Variants in TRPC6 observed in about 807,000 individuals in gnomAD.
TRPC6 encodes transient receptor potential cation channel subfamily C member 6, also known as short transient receptor potential channel 6.
A neutral mutation model predicts 90.7 loss-of-function variants in TRPC6; 55 were observed. The ratio of observed to expected loss-of-function variants is 0.61; its 90% CI spans 0.49 to 0.76. TRPC6 has a LOEUF of 0.76. Among genes scored for constraint, TRPC6 ranks in the 30% least tolerant of loss-of-function variants. The pLI, the probability that TRPC6 is intolerant of heterozygous loss-of-function variation, is 0.00. For synonymous variants in TRPC6, 393 were observed against 393.0 expected, an observed-to-expected ratio of 1.00 and a Z score of 0.00; for missense variants, 989 against 1,122.7, an observed-to-expected ratio of 0.88 and a Z score of 1.70.
Position 101,504,387 on chromosome 11 carries a change from G to T in TRPC6, c.582C>A (p.Thr194=). The T allele has an allele frequency of 6.2e-7, 1 of 1,614,066 alleles. No individual in the cohort carries two copies. Among genetic ancestry groups the T allele is most frequent in the Non-Finnish European group, 8.5e-7 (1 of 1,180,006 alleles). The change falls in exon 2 of 13, where the codon ACC becomes ACA. Residue 194 remains threonine (T), a synonymous_variant. Coordinates refer to ENST00000344327, the MANE Select transcript of TRPC6 (RefSeq NM_004621.6). ...PAFAEGKRLA[T]SPSQSELQQD... is the part of the protein sequence containing the mutation. ...GCTGGAGTTCAGACTGGCTAGGGCT[G>T]GTTGCTAACCTCTTGCCTTCAGCAA...
At chr11:101,576,219 C>G (rs1862066975) in intron 1 of TRPC6, among the ~76,000 whole-genome samples, 1 of 152,126 alleles carries the variant, frequency 6.6e-6, no homozygotes, top group Admixed American at 6.5e-5. Flanking sequence ...TGTATGACAA[C>G]TAGAAAAGAA....
intron 1 of TRPC6, 51 bp downstream of exon 1, chr11:101,583,283 C>G (rs1422537933): frequency 6.5e-7 from 1 of 1,535,840 alleles, no homozygotes; most frequent in Non-Finnish European, 8.8e-7. Flanking sequence ...GAGCGCACAA[C>G]CTCCCTCCGC....
At chr11:101,502,489 A>G (rs1322570596) in intron 2 of TRPC6, among the ~76,000 whole-genome samples, 1 of 152,322 alleles carries the variant, frequency 6.6e-6, no homozygotes, top group African/African-American at 2.4e-5. Flanking sequence ...AGAATATAAT[A>G]GTCTTCAGTG....
intron 1 of TRPC6, among the ~76,000 whole-genome samples, chr11:101,574,659 A>G (rs1862036219): frequency 6.8e-6 from 1 of 146,958 alleles, no homozygotes; most frequent in African/African-American, 2.6e-5. Flanking sequence ...GGATTTTCTT[A>G]CTGCCCAGGA....
At chr11:101,549,204 T>C (rs73575794) in intron 1 of TRPC6, among the ~76,000 whole-genome samples, 3,946 of 152,054 alleles carry the variant, frequency 0.026, 102 homozygotes, top group African/African-American at 0.059. Context: ...TCAAACACTT[T>C]TGTAAGTTGA....
Position 101,473,690 on chromosome 11 carries a change from T to C in TRPC6, c.1828A>G (p.Ile610Val), listed in dbSNP as rs1859347299. ...AIAVVLSFSR[I>V]AYILPANESF... ...TCATTTGCTGGTAAAATATAAGCTATCCTAGAGAAACTTAAAACTACAGCA... is the reference window on the plus strand; with the variant it reads ...TCATTTGCTGGTAAAATATAAGCTACCCTAGAGAAACTTAAAACTACAGCA... The change falls in exon 7 of 13, where the codon ATA becomes GTA. Residue 610 changes from isoleucine (I) to valine (V), a missense_variant. By Grantham distance (29) the Ile-to-Val change is conservative. Coordinates refer to ENST00000344327, the MANE Select transcript of TRPC6 (RefSeq NM_004621.6). 6.2e-7 allele frequency: 1 copy of C among 1,613,790 alleles called. No homozygotes were observed. The highest frequency in any genetic ancestry group is 1.7e-4 in the Middle Eastern group (1 of 6,052).
intron 1 of TRPC6, among the ~76,000 whole-genome samples, chr11:101,515,549 T>TA (rs1591103139): frequency 1.3e-5 from 2 of 152,122 alleles, no homozygotes; most frequent in Admixed American, 1.3e-4. Context: ...TACAAATGAA[T>TA]AAAAAAGCAA....
At chr11:101,505,659 A>G (rs1860244946) in intron 1 of TRPC6, among the ~76,000 whole-genome samples, 1 of 152,190 alleles carries the variant, frequency 6.6e-6, no homozygotes, top group Non-Finnish European at 1.5e-5. Flanking sequence ...AAACACTTCT[A>G]TGGTGCAGGC....
At chr11:101,462,088 T>G (rs890486041) in intron 10 of TRPC6, among the ~76,000 whole-genome samples, 6 of 152,176 alleles carry the variant, frequency 3.9e-5, no homozygotes, top group Non-Finnish European at 7.3e-5. Context: ...CCCCATTGCT[T>G]GTTTTTGTCA....
intron 1 of TRPC6, among the ~76,000 whole-genome samples, chr11:101,508,928 T>C (rs1452761953): frequency 1.3e-5 from 2 of 152,034 alleles, no homozygotes; most frequent in Non-Finnish European, 2.9e-5. Flanking sequence ...CTTTCAGAGG[T>C]AATTGAAATT....
chr11:101,465,474 C>T (rs1440667786), intron 10 of TRPC6, among the ~76,000 whole-genome samples: 1 of 152,038 alleles, frequency 6.6e-6, no homozygotes, highest in African/African-American at 2.4e-5. Flanking sequence ...TTCTTGGAGG[C>T]TTTGTTCATT....
intron 8 of TRPC6, among the ~76,000 whole-genome samples, 167 bp downstream of exon 8, chr11:101,471,970 G>A (rs1859302237): frequency 6.6e-6 from 1 of 152,138 alleles, no homozygotes; most frequent in Non-Finnish European, 1.5e-5. Flanking sequence ...TGTTGCATTT[G>A]GAAGCAAAGA....
chr11:101,553,650 G>A (rs1861499522), intron 1 of TRPC6, among the ~76,000 whole-genome samples: 1 of 152,024 alleles, frequency 6.6e-6, no homozygotes, highest in Non-Finnish European at 1.5e-5. Flanking sequence ...CTCTCAACCA[G>A]CTCACCTACT....
intron 1 of TRPC6, among the ~76,000 whole-genome samples, chr11:101,521,020 C>T (rs1267631013): frequency 6.6e-6 from 1 of 151,872 alleles, no homozygotes; most frequent in Admixed American, 6.6e-5. Flanking sequence ...CAGCCTGACC[C>T]TGTGTAGAAA....
At chr11:101,457,266 T>C (rs777303906) in intron 10 of TRPC6, among the ~76,000 whole-genome samples, 9 of 152,184 alleles carry the variant, frequency 5.9e-5, no homozygotes, top group Non-Finnish European at 1.3e-4. Context: ...CAATTCTGAA[T>C]GAACCACTGC....
intron 8 of TRPC6, among the ~76,000 whole-genome samples, chr11:101,471,900 T>C (rs1859300656): frequency 6.6e-6 from 1 of 152,230 alleles, no homozygotes; most frequent in Non-Finnish European, 1.5e-5. Flanking sequence ...ATTAAATTAG[T>C]ATCAAATCAG....
In TRPC6 at chr11:101,483,628, T is replaced by C. The variant is rs1000359940; in HGVS notation, c.1294-463A>G. On this transcript the variant is annotated intron_variant, in intron 4 of 12. Transcript: ENST00000344327. ...CATGCAATTCAGGCCTGAGTGGATGTTGTTATTTTGGTGATCTTGTAAATG... is the reference window on the plus strand; with the variant it reads ...CATGCAATTCAGGCCTGAGTGGATGCTGTTATTTTGGTGATCTTGTAAATG... Among the ~76,000 whole-genome samples the C allele has an allele frequency of 2.0e-5, 3 of 152,108 alleles. No homozygotes were observed. In the East Asian group the frequency reaches 5.8e-4, roughly 29 times the overall value.
At chr11:101,570,787 A>G (rs987314520) in intron 1 of TRPC6, among the ~76,000 whole-genome samples, 1 of 152,246 alleles carries the variant, frequency 6.6e-6, no homozygotes, top group African/African-American at 2.4e-5. Context: ...GATGATCTCA[A>G]TAGATGCAGA....
chr11:101,552,904 T>A (rs1861478934), intron 1 of TRPC6, among the ~76,000 whole-genome samples: 1 of 152,180 alleles, frequency 6.6e-6, no homozygotes, highest in African/African-American at 2.4e-5. Flanking sequence ...GTGTGGTTTT[T>A]CTGTTTCAAG....
Sources: gnomAD v4.1 joint callset for allele counts (sites outside exome capture counted in the v4.1 genomes callset) on GRCh38, gnomAD v4.1.1 for gene constraint, MANE v1.5 for transcripts, NCBI Gene and HGNC (gene_info 2026-07-23, HGNC 2026-07-21) for gene names.